The following KYNU variants were observed in gnomAD, a reference collection of about 807,000 sequenced individuals.
KYNU encodes the protein kynureninase.
KYNU carries 54 observed loss-of-function variants against 59.2 expected under a neutral mutation model. The ratio of observed to expected loss-of-function variants is 0.91; its 90% confidence interval spans 0.73 to 1.14. The LOEUF (loss-of-function observed/expected upper bound fraction) is 1.14, where lower values mean the gene tolerates loss of function less well. Ranked by LOEUF, KYNU falls within the 50% of genes most tolerant of loss-of-function variation. The probability of loss-of-function intolerance (pLI) is 0.00; values close to 1 mark genes in which losing one functional copy is unlikely to be tolerated. For synonymous variants in KYNU, 177 were observed against 192.0 expected (o/e 0.92, Z 0.65); for missense variants, 567 against 554.4 (o/e 1.02, Z -0.23).
chr2:142,979,320 G>A (rs1164120390), intron 8 of KYNU, among the ~76,000 whole-genome samples: 7 of 152,090 alleles, frequency 4.6e-5, no homozygotes, highest in African/African-American at 1.4e-4. Context: ...TCACTTTAGA[G>A]AATAGCTATT....
chr2:143,022,148 G>C (rs1686428849), intron 10 of KYNU, among the ~76,000 whole-genome samples: 1 of 152,028 alleles, frequency 6.6e-6, no homozygotes, highest in African/African-American at 2.4e-5. Flanking sequence ...CTTCGGTGTT[G>C]CTAAATCAGA....
At chr2:142,892,004 CT>C (rs1265891498) in intron 2 of KYNU, among the ~76,000 whole-genome samples, 18 of 152,224 alleles carry the variant, frequency 1.2e-4, no homozygotes, top group Middle Eastern at 3.4e-3. Context: ...CCTCCACCCC[CT>C]GAACTCAAAG....
intron 4 of KYNU, among the ~76,000 whole-genome samples, chr2:142,936,926 G>A (rs754221347): frequency 3.9e-4 from 59 of 152,278 alleles, no homozygotes; most frequent in Non-Finnish European, 5.4e-4. Context: ...ACCCAAGAGC[G>A]CAACAGACAA....
At chr2:143,031,143 A>G (rs1005434233) in intron 11 of KYNU, among the ~76,000 whole-genome samples, 2 of 152,236 alleles carry the variant, frequency 1.3e-5, no homozygotes, top group African/African-American at 4.8e-5. Context: ...GGGATATTCC[A>G]GTCAAGTCAG....
chr2:142,887,999 TA>T (rs1681574609), intron 2 of KYNU, among the ~76,000 whole-genome samples: 1 of 152,214 alleles, frequency 6.6e-6, no homozygotes, highest in Admixed American at 6.5e-5. Flanking sequence ...CTGTTATACT[TA>T]AAAGTTGACT....
chr2:143,002,521 G>A lies in KYNU; in HGVS notation c.902+16500G>A, dbSNP rs559800331. 5.9e-5 allele frequency among the ~76,000 whole-genome samples: 9 copies of A among 152,240 alleles called. No homozygotes were observed. In the South Asian group the frequency reaches 1.9e-3, roughly 32 times the overall value. On this transcript the variant is annotated intron_variant, in intron 10 of 13. Coordinates refer to ENST00000264170, the MANE Select transcript of KYNU (RefSeq NM_003937.3). ...TTGATGTTTCTGTCAGATATACCCA[G>A]CAATCATCATCATAACTCATACTCT...
chr2:142,960,966 A>AG (rs1684323806), intron 8 of KYNU, among the ~76,000 whole-genome samples, 196 bp downstream of exon 8: 1 of 151,810 alleles, frequency 6.6e-6, no homozygotes, highest in Non-Finnish European at 1.5e-5. Context: ...AGGCTGGAGC[A>AG]GGGGGATCAC....
chr2:142,987,792 G>C (rs1685262239), intron 10 of KYNU, among the ~76,000 whole-genome samples: 1 of 151,966 alleles, frequency 6.6e-6, no homozygotes, highest in Non-Finnish European at 1.5e-5. Flanking sequence ...GTAATCCCCA[G>C]TGTTGGAGCA....
At chr2:142,940,143 CATTT>C (rs71923705) in intron 4 of KYNU, among the ~76,000 whole-genome samples, 6,448 of 152,262 alleles carry the variant, frequency 0.042, 456 homozygotes, top group African/African-American at 0.15. Context: ...CGTTTGTGTT[CATTT>C]GTTAGAAGCC....
rs1404046985 is a variant in KYNU at position 143,042,721 on chromosome 2, C to G, written c.*549C>G. Reference sequence around the variant, plus strand: ...TTTTTTGGGTACAATCCACATTGCTCCTGCTGATCTGTAATATCAGAAACC... The same window carrying G: ...TTTTTTGGGTACAATCCACATTGCTGCTGCTGATCTGTAATATCAGAAACC... On this transcript the variant is annotated 3_prime_UTR_variant, in exon 14 of 14. Coordinates refer to ENST00000264170, the MANE Select transcript of KYNU (RefSeq NM_003937.3). 6.7e-6 allele frequency: 1 copy of G among 149,174 alleles called. No individual in the cohort carries two copies. Among genetic ancestry groups the G allele is most frequent in the Non-Finnish European group, 1.5e-5 (1 of 67,412 alleles). 9.2% of individuals were successfully genotyped at this position (149,174 alleles called of 1,614,324 possible). A position where few individuals can be genotyped will look rare whatever the true frequency, so the allele number is the denominator to read the frequency against.
chr2:142,880,859 A>G (rs1339257835), intron 1 of KYNU, among the ~76,000 whole-genome samples: 1 of 152,240 alleles, frequency 6.6e-6, no homozygotes, highest in Non-Finnish European at 1.5e-5. Flanking sequence ...TCAGAAAGCT[A>G]TGTGTGGGGA....
intron 3 of KYNU, 98 bp downstream of exon 3, chr2:142,918,827 C>G (rs1682770691): frequency 7.5e-7 from 1 of 1,326,982 alleles, no homozygotes. Context: ...GTAATAGAAT[C>G]CTAGTACAGT....
At chr2:142,879,781 T>A (rs1234679586) in intron 1 of KYNU, 1 of 152,200 alleles carries the variant, frequency 6.6e-6, no homozygotes, top group African/African-American at 2.4e-5. Flanking sequence ...TCAGGATTAT[T>A]ACAAGCATTA....
intron 8 of KYNU, among the ~76,000 whole-genome samples, chr2:142,972,351 A>C (rs923097740): frequency 6.6e-6 from 1 of 151,844 alleles, no homozygotes; most frequent in African/African-American, 2.4e-5. Context: ...CTCAATTCAC[A>C]CCTTTCCCTT....
chr2:142,973,379 T>C (rs1558952980), intron 8 of KYNU, among the ~76,000 whole-genome samples: 1 of 152,076 alleles, frequency 6.6e-6, no homozygotes, highest in Non-Finnish European at 1.5e-5. Flanking sequence ...TCATCACTGT[T>C]CCTTCTCAGA....
chr2:142,931,852 C>G (rs1261516439), intron 4 of KYNU, among the ~76,000 whole-genome samples: 1 of 152,070 alleles, frequency 6.6e-6, no homozygotes, highest in African/African-American at 2.4e-5. Flanking sequence ...CTGATGAAGG[C>G]CGGCCTGTTA....
chr2:142,886,826 G>GTGC (rs1016525248), intron 2 of KYNU, among the ~76,000 whole-genome samples: 2 of 152,174 alleles, frequency 1.3e-5, no homozygotes, highest in African/African-American at 4.8e-5. Context: ...CTGCCCTGAT[G>GTGC]TGCTCTCTGG....
At chr2:142,948,544 T>C (rs74734145) in intron 4 of KYNU, among the ~76,000 whole-genome samples, 27 of 152,104 alleles carry the variant, frequency 1.8e-4, no homozygotes, top group Non-Finnish European at 3.5e-4. Context: ...GAGGAGAGAG[T>C]CACATCTTAT....
chr2:142,894,616 C>T (rs1249604207), intron 2 of KYNU, among the ~76,000 whole-genome samples: 1 of 152,100 alleles, frequency 6.6e-6, no homozygotes, highest in Non-Finnish European at 1.5e-5. Flanking sequence ...ACCAGTTTTT[C>T]TGTAGCCAGT....
Sources: gnomAD v4.1 joint callset for allele counts (sites outside exome capture counted in the v4.1 genomes callset) on GRCh38, gnomAD v4.1.1 for gene constraint, MANE v1.5 for transcripts, NCBI Gene and HGNC (gene_info 2026-07-23, HGNC 2026-07-21) for gene names.